GRID1: variants seen among roughly 807,000 people sequenced by gnomAD.
GRID1 encodes glutamate receptor ionotropic, delta-1.
In GRID1, 28 loss-of-function variants were observed where a neutral mutation model predicts 98.0. The ratio of observed to expected loss-of-function variants is 0.29; its 90% CI spans 0.21 to 0.39. GRID1 has a LOEUF of 0.39. Among genes scored for constraint, GRID1 ranks in the 10% least tolerant of loss-of-function variants. The pLI, the probability that GRID1 is intolerant of heterozygous loss-of-function variation, is 1.00. For missense variants in GRID1, 1,111 were observed against 1,340.5 expected (o/e 0.83, Z 2.67); for synonymous variants, 553 against 538.5 (o/e 1.03, Z -0.37).
At chr10:86,188,840 A>G (rs180785008) in intron 3 of GRID1, among the ~76,000 whole-genome samples, 93 of 152,288 alleles carry the variant, frequency 6.1e-4, no homozygotes, top group African/African-American at 2.2e-3. Flanking sequence ...TGAAGATGCA[A>G]AGAAGGTCAG....
intron 13 of GRID1, among the ~76,000 whole-genome samples, chr10:85,632,482 A>G (rs148865318): frequency 7.2e-4 from 110 of 152,320 alleles, no homozygotes; most frequent in African/African-American, 2.4e-3. Context: ...CCAAGAAGGT[A>G]CATTTCTAAC....
intron 2 of GRID1, among the ~76,000 whole-genome samples, chr10:86,347,600 C>G (rs1296517142): frequency 4.6e-5 from 7 of 152,188 alleles, no homozygotes; most frequent in Admixed American, 3.9e-4. Flanking sequence ...CAGGAGGCTG[C>G]CCAGGAAGGA....
intron 2 of GRID1, among the ~76,000 whole-genome samples, chr10:86,210,452 C>T (rs1038608057): frequency 8.5e-5 from 13 of 152,228 alleles, no homozygotes; most frequent in African/African-American, 2.4e-4. Flanking sequence ...TGACTTAGGA[C>T]GCTGATAGCA....
intron 8 of GRID1, among the ~76,000 whole-genome samples, chr10:85,741,930 C>T (rs1290214110): frequency 1.3e-5 from 2 of 152,164 alleles, no homozygotes; most frequent in African/African-American, 4.8e-5. Flanking sequence ...TTATCTCTGA[C>T]ATTCACATCT....
chr10:85,696,501 G>C (rs189309609), intron 12 of GRID1, among the ~76,000 whole-genome samples: 1 of 152,114 alleles, frequency 6.6e-6, no homozygotes, highest in East Asian at 1.9e-4. Flanking sequence ...GAAGCTACTG[G>C]GAGATGAAAT....
At chr10:85,957,435 G>A (rs1842209182) in intron 4 of GRID1, among the ~76,000 whole-genome samples, 1 of 152,146 alleles carries the variant, frequency 6.6e-6, no homozygotes. Flanking sequence ...GGCCAGGTTA[G>A]GTCTTGGTGT....
At chr10:86,191,370 G>A (rs559649590) in intron 3 of GRID1, among the ~76,000 whole-genome samples, 25 of 152,096 alleles carry the variant, frequency 1.6e-4, no homozygotes, top group Admixed American at 2.6e-4. Flanking sequence ...GGTCCAGGTC[G>A]GGGAGCCATG....
chr10:85,774,646 C>G (rs1842310482), intron 8 of GRID1, among the ~76,000 whole-genome samples: 1 of 152,098 alleles, frequency 6.6e-6, no homozygotes, highest in South Asian at 2.1e-4. Context: ...ACAAACAACC[C>G]TATTAAAAAG....
chr10:85,995,114 C>CCTATAGAAAATAATGCTACAG lies in GRID1; in HGVS notation c.727-78896_727-78876dup, dbSNP rs560896657. ...TATTTTTCAGAAGTGGAACCCTGCA[C>CCTATAGAAAATAATGCTACAG]CTATAGAAAATAATGCTACAGCCAT... On this transcript the variant is annotated intron_variant, in intron 4 of 15. Transcript: ENST00000327946. Among the ~76,000 whole-genome samples, 612 of 152,278 alleles carry CCTATAGAAAATAATGCTACAG rather than the reference C, an allele frequency of 4.0e-3. 2 individuals are homozygous for CCTATAGAAAATAATGCTACAG. Among genetic ancestry groups the CCTATAGAAAATAATGCTACAG allele is most frequent in the Non-Finnish European group, 5.8e-3 (395 of 68,022 alleles).
intron 2 of GRID1, among the ~76,000 whole-genome samples, chr10:86,277,892 A>G (rs1847296558): frequency 6.6e-6 from 1 of 152,166 alleles, no homozygotes; most frequent in South Asian, 2.1e-4. Context: ...GTTAAACTAT[A>G]AATAGTAAAA....
At chr10:86,055,741 TCAA>T (rs984460742) in intron 4 of GRID1, among the ~76,000 whole-genome samples, 6 of 151,142 alleles carry the variant, frequency 4.0e-5, no homozygotes, top group South Asian at 2.1e-4. Flanking sequence ...AGACTTCATC[TCAA>T]CAACAACAAG....
intron 4 of GRID1, among the ~76,000 whole-genome samples, chr10:86,123,949 G>A (rs552185535): frequency 3.3e-5 from 5 of 152,290 alleles, no homozygotes; most frequent in African/African-American, 7.2e-5. Context: ...CCATGCAGGC[G>A]GCCTGAGTGC....
chr10:85,786,792 A>C (rs887711615), intron 8 of GRID1, among the ~76,000 whole-genome samples: 1 of 152,234 alleles, frequency 6.6e-6, no homozygotes, highest in African/African-American at 2.4e-5. Context: ...TTTGTGCAGA[A>C]GGCAATGAAC....
At chr10:85,871,820 C>A (rs1214081003) in intron 5 of GRID1, among the ~76,000 whole-genome samples, 1 of 152,162 alleles carries the variant, frequency 6.6e-6, no homozygotes, top group Non-Finnish European at 1.5e-5. Context: ...GGATTGTATC[C>A]TTTTAGGATA....
Position 85,649,484 on chromosome 10 carries a change from G to T in GRID1, c.1998-2087C>A, listed in dbSNP as rs780346607. Among the ~76,000 whole-genome samples the T allele has an allele frequency of 3.3e-5, 5 of 151,678 alleles. No homozygotes were observed. In the East Asian group the frequency reaches 9.7e-4, roughly 29 times the overall value. The stretch of plus-strand genomic sequence containing the variant: ...AATTTGCCTGTAATGAAAGGAGGGG[G>T]ATCTTTTTTTTTTTCCACATTTTTA... On this transcript the variant is annotated intron_variant, in intron 12 of 15. Transcript: ENST00000327946.
intron 14 of GRID1, among the ~76,000 whole-genome samples, chr10:85,619,213 T>C (rs1270704948): frequency 6.6e-6 from 1 of 152,168 alleles, no homozygotes; most frequent in Non-Finnish European, 1.5e-5. Context: ...GCCACTGAAC[T>C]ACCCATGCCC....
intron 12 of GRID1, among the ~76,000 whole-genome samples, chr10:85,680,849 C>A: frequency 6.6e-6 from 1 of 152,126 alleles, no homozygotes. Context: ...GTGGATGGAA[C>A]TGGAGGTCAT....
chr10:85,744,077 G>A (rs750561830), intron 8 of GRID1, among the ~76,000 whole-genome samples: 4 of 152,088 alleles, frequency 2.6e-5, no homozygotes, highest in Non-Finnish European at 5.9e-5. Flanking sequence ...ATCAACTCCT[G>A]CAGACTAGCC....
intron 8 of GRID1, among the ~76,000 whole-genome samples, chr10:85,814,242 T>C (rs900578333): frequency 4.0e-5 from 6 of 151,856 alleles, no homozygotes; most frequent in Non-Finnish European, 8.9e-5. Context: ...TGAAAATAAA[T>C]GGATGGATAA....
Sources: allele counts gnomAD v4.1 joint callset (sites outside exome capture counted in the v4.1 genomes callset), GRCh38; gene constraint gnomAD v4.1.1; transcripts MANE v1.5; gene names NCBI Gene and HGNC (gene_info 2026-07-23, HGNC 2026-07-21).